The following CARF variants were observed in gnomAD, a reference collection of about 807,000 sequenced individuals.
CARF encodes the protein calcium responsive transcription factor.
CARF carries 57 observed loss-of-function variants against 82.0 expected under a neutral mutation model. The ratio of observed to expected loss-of-function variants is 0.70; its 90% CI spans 0.56 to 0.87. The LOEUF (loss-of-function observed/expected upper bound fraction) is 0.87. Ranked by LOEUF, CARF falls within the 40% of genes least tolerant of loss-of-function variation. The pLI is 0.00. For synonymous variants in CARF, 268 were observed against 290.1 expected (o/e 0.92, Z 0.77); for missense variants, 771 against 855.8 (o/e 0.90, Z 1.24).
intron 5 of CARF, among the ~76,000 whole-genome samples, chr2:202,951,004 AT>A (rs560719202): frequency 6.6e-6 from 1 of 152,082 alleles, no homozygotes; most frequent in African/African-American, 2.4e-5. Context: ...CTAACATTAA[AT>A]TTTTTAAAAA....
At chr2:202,927,939 C>T (rs1462219209) in intron 3 of CARF, among the ~76,000 whole-genome samples, 10 of 152,070 alleles carry the variant, frequency 6.6e-5, no homozygotes, top group East Asian at 3.9e-4. Flanking sequence ...GCTAGGACTA[C>T]GGGTGTACAC....
chr2:202,927,056 T>C (rs866069914), intron 3 of CARF, among the ~76,000 whole-genome samples: 1 of 152,178 alleles, frequency 6.6e-6, no homozygotes, highest in African/African-American at 2.4e-5. Flanking sequence ...GTTCAAGCAG[T>C]GTGCCCATCT....
intron 3 of CARF, among the ~76,000 whole-genome samples, chr2:202,941,249 G>T (rs1176718867): frequency 6.6e-6 from 1 of 152,084 alleles, no homozygotes; most frequent in Non-Finnish European, 1.5e-5. Flanking sequence ...TATTAAAAAT[G>T]GACTGATTTT....
At chr2:202,914,239 T>TG (rs1350956022) in intron 1 of CARF, among the ~76,000 whole-genome samples, 3 of 152,168 alleles carry the variant, frequency 2.0e-5, no homozygotes, top group African/African-American at 7.2e-5. Context: ...AACCACAGTT[T>TG]GGAAAATACA....
chr2:202,972,497 T>A (rs1271317359), intron 12 of CARF, among the ~76,000 whole-genome samples: 1 of 151,576 alleles, frequency 6.6e-6, no homozygotes, highest in African/African-American at 2.4e-5. Context: ...GCCAACATGG[T>A]GAAACCCCGT....
intron 8 of CARF, among the ~76,000 whole-genome samples, chr2:202,958,249 ATGTGTGTG>A (rs71034206): frequency 7.1e-5 from 10 of 140,038 alleles, no homozygotes; most frequent in Non-Finnish European, 1.4e-4. Context: ...ATATACATAT[ATGTGTGTG>A]TGTGTGTGTG....
intron 2 of CARF, among the ~76,000 whole-genome samples, chr2:202,922,026 CATT>C (rs1195551181): frequency 1.3e-5 from 2 of 151,366 alleles, no homozygotes; most frequent in African/African-American, 4.9e-5. Flanking sequence ...GACAGAATCT[CATT>C]ATATTTCCCA....
intron 10 of CARF, among the ~76,000 whole-genome samples, chr2:202,969,465 C>T (rs1421945165): frequency 6.6e-6 from 1 of 152,008 alleles, no homozygotes; most frequent in Non-Finnish European, 1.5e-5. Context: ...ATCCCAGCTA[C>T]TTGAGAGGCT....
rs567234793 is a variant in CARF at position 202,964,175 on chromosome 2, T to C, written c.832+2749T>C. Among the ~76,000 whole-genome samples, 31 of 152,342 alleles carry C rather than the reference T, an allele frequency of 2.0e-4. 1 individual carries two copies. In the East Asian group the frequency reaches 5.8e-3, roughly 28 times the overall value. On this transcript the variant is annotated intron_variant, in intron 9 of 16. Coordinates refer to ENST00000438828, the MANE Select transcript of CARF (RefSeq NM_024744.17). ...TTCAGATTTGTACATAAGGGTTTGA[T>C]AGCTTGTACCAATTTTCACTCCTGT...
chr2:202,920,660 G>A (rs184409817), intron 2 of CARF, among the ~76,000 whole-genome samples: 23 of 150,260 alleles, frequency 1.5e-4, no homozygotes, highest in Admixed American at 1.1e-3. Flanking sequence ...GTGAAACTCC[G>A]TCTCAAAAAA....
At position 202,982,144 on chromosome 2, in the gene CARF, T is replaced by C; in HGVS notation, c.1762T>C (p.Ser588Pro). Residue 588 changes from serine to proline, a missense_variant, in exon 16 of 17, where the codon TCC (serine) becomes CCC (proline). Transcript: ENST00000438828. ...TGTGGTATCAGTAAATAACCAGCCG[T>C]CCTCTAGTCCTTCAGGACTTCTGGA... ...PAVVSVNNQP[S>P]SSPSGLLDTI... 6.2e-7 allele frequency: 1 copy of C among 1,614,108 alleles called. No homozygotes were observed. Among genetic ancestry groups the C allele is most frequent in the Non-Finnish European group, 8.5e-7 (1 of 1,179,978 alleles).
At chr2:202,952,700 G>C (rs773907771) in intron 6 of CARF, 21 bp downstream of exon 6, 64 of 1,590,452 alleles carry the variant, frequency 4.0e-5, no homozygotes, top group Non-Finnish European at 5.1e-5. Context: ...ACGGGATATA[G>C]GGGATTTGAG....
intron 12 of CARF, chr2:202,973,415 T>C (rs948806322): frequency 4.7e-6 from 2 of 426,948 alleles, no homozygotes; most frequent in Non-Finnish European, 9.2e-6. Flanking sequence ...ATATTGATTT[T>C]TTATACAATT....
intron 1 of CARF, among the ~76,000 whole-genome samples, chr2:202,914,911 C>T (rs1416019087): frequency 6.6e-6 from 1 of 151,868 alleles, no homozygotes; most frequent in Non-Finnish European, 1.5e-5. Context: ...ATTGTGAACA[C>T]CAGCCTTAGA....
Position 202,942,968 on chromosome 2 carries a change from G to C in CARF, c.306+1G>C. ...ATTGGGGGAATCCAATGCACAAATG[G>C]TGAGTATATTTTATAAGTAACCAGT... On this transcript the variant is annotated splice_donor_variant, in intron 5 of 16. Coordinates refer to ENST00000438828, the MANE Select transcript of CARF (RefSeq NM_024744.17). LOFTEE classifies it high-confidence loss of function. The C allele has an allele frequency of 2.5e-6, 4 of 1,611,796 alleles. No individual in the cohort carries two copies. Among genetic ancestry groups the C allele is most frequent in the Non-Finnish European group, 3.4e-6 (4 of 1,178,386 alleles).
At chr2:202,954,958 G>A (rs2058966141) in intron 7 of CARF, among the ~76,000 whole-genome samples, 1 of 151,546 alleles carries the variant, frequency 6.6e-6, no homozygotes, top group South Asian at 2.1e-4. Flanking sequence ...GGCTTGCAGT[G>A]AGCCGAGATT....
intron 14 of CARF, among the ~76,000 whole-genome samples, chr2:202,980,680 A>C (rs1484150492): frequency 8.7e-6 from 1 of 114,992 alleles, no homozygotes; most frequent in Admixed American, 9.7e-5. Context: ...CTCTGTATCT[A>C]TGGGTTCTGT....
Position 202,981,637 on chromosome 2 carries a change from G to T in CARF, c.1641G>T (p.Leu547Phe). The T allele has an allele frequency of 1.9e-6, 3 of 1,612,112 alleles. No individual in the cohort carries two copies. Among genetic ancestry groups the T allele is most frequent in the Non-Finnish European group, 2.5e-6 (3 of 1,178,798 alleles). Residue 547 changes from leucine to phenylalanine, a missense_variant, in exon 15 of 17, where the codon TTG becomes TTT. By Grantham distance (22) the Leu-to-Phe change is conservative. Coordinates refer to ENST00000438828, the MANE Select transcript of CARF (RefSeq NM_024744.17). ...RGSLSPEPTH[L>F]LSSLSSFQPK... is the part of the protein sequence containing the mutation. ...CTTTGTCTCCTGAGCCAACCCACTT[G>T]CTCTCCTCACTCTCCTCATTTCAGC... is the stretch of plus-strand genomic sequence containing the variant.
At position 202,926,669 on chromosome 2, in the gene CARF, A is replaced by G. The variant is rs75078543; in HGVS notation, c.-44+2254A>G. ...TTTAGGTTGGGATGATATACAATAC[A>G]TAGATCAAGTTGGAAGATATAATAT... On this transcript the variant is annotated intron_variant, in intron 3 of 16. Coordinates refer to ENST00000438828, the MANE Select transcript of CARF (RefSeq NM_024744.17). Among the ~76,000 whole-genome samples the G allele has an allele frequency of 2.6e-5, 4 of 152,214 alleles. No homozygotes were observed. The East Asian group carries it at 7.7e-4, about 29-fold the overall frequency.
Sources: gnomAD v4.1 joint callset for allele counts (sites outside exome capture counted in the v4.1 genomes callset) on GRCh38, gnomAD v4.1.1 for gene constraint, MANE v1.5 for transcripts, NCBI Gene and HGNC (gene_info 2026-07-23, HGNC 2026-07-21) for gene names.